LAMA5: variants seen among roughly 807,000 people sequenced by gnomAD.
LAMA5 encodes laminin subunit alpha-5.
In LAMA5, 260 loss-of-function variants were observed where a neutral mutation model predicts 433.4. The observed-to-expected ratio is 0.60, with a 90% CI of 0.54 to 0.66. LAMA5 has a LOEUF of 0.66. Ranked by LOEUF, LAMA5 falls within the 30% of genes least tolerant of loss-of-function variation. The probability of loss-of-function intolerance (pLI) is 0.00; values close to 1 mark genes in which losing one functional copy is unlikely to be tolerated. For missense variants in LAMA5, 5,378 were observed against 5,258.5 expected (o/e 1.02, Z -0.70); for synonymous variants, 2,620 against 2,226.6 (o/e 1.18, Z -4.97).
chr20:62,346,143 T>A lies in LAMA5; in HGVS notation c.1355A>T (p.Asn452Ile). The change falls in exon 10 of 80, where the codon AAC becomes ATC. Residue 452 changes from asparagine to isoleucine, a missense_variant. Transcript: ENST00000252999. ...CACGTCACACCGCTCCCCAGAGAAG[T>A]TGGGCCGGCAGTAGCATCGACCCGT... The part of the protein sequence containing the change: ...DLTGRCYCRP[N>I]FSGERCDVCA... The A allele has an allele frequency of 1.2e-6, 2 of 1,613,054 alleles. No homozygotes were observed. The highest frequency in any genetic ancestry group is 1.7e-6 in the Non-Finnish European group (2 of 1,179,970).
At position 62,311,451 on chromosome 20, in the gene LAMA5, C is replaced by A; in HGVS notation, c.9892G>T (p.Ala3298Ser). The change falls in exon 72 of 80, where the codon GCC becomes TCC. Residue 3298 changes from alanine to serine, a missense_variant. Transcript: ENST00000252999. ...VSTGCAPALQ[A>S]QTPGLGPRGL... ...CTAGGCCCCAGGCCCGGGGTCTGGG[C>A]TTGCAGGGCGGGTGCACAGCCCGTG... 6.2e-7 allele frequency: 1 copy of A among 1,604,330 alleles called. No individual in the cohort carries two copies.
Position 62,328,405 on chromosome 20 carries a change from G to A in LAMA5, c.4488C>T (p.Gly1496=), listed in dbSNP as rs907188118. Reference sequence around the variant, plus strand: ...TGGTGCGTGGCGGGCAGATGCACTGGCCCGTGAGCTCGTCACAGAGGCGGG... The same window carrying A: ...TGGTGCGTGGCGGGCAGATGCACTGACCCGTGAGCTCGTCACAGAGGCGGG... ...CGARLCDELT[G]QCICPPRTIP... Residue 1496 remains glycine (G), a synonymous_variant, in exon 35 of 80, where the codon GGC becomes GGT. Coordinates refer to ENST00000252999, the MANE Select transcript of LAMA5 (RefSeq NM_005560.6). The A allele has an allele frequency of 1.9e-5, 29 of 1,538,148 alleles. No homozygotes were observed. The highest frequency in any genetic ancestry group is 2.5e-5 in the Non-Finnish European group (28 of 1,138,638).
chr20:62,358,425 C>T (rs938982315), intron 2 of LAMA5, among the ~76,000 whole-genome samples: 2 of 152,212 alleles, frequency 1.3e-5, no homozygotes, highest in Non-Finnish European at 1.5e-5. Context: ...GCCGCAGCTG[C>T]ACTTCCTGTC....
chr20:62,330,957 C>T lies in LAMA5; in HGVS notation c.3651-13G>A. 1 of 1,555,498 alleles carries T rather than the reference C, an allele frequency of 6.4e-7. No homozygotes were observed. Among genetic ancestry groups the T allele is most frequent in the Non-Finnish European group, 8.7e-7 (1 of 1,149,864 alleles). On this transcript the variant is annotated splice_polypyrimidine_tract_variant and intron_variant, in intron 29 of 79. Transcript: ENST00000252999. ...CAGACAGGCGGCACTGGTGAGAGCACAGTGGGTGAGTCAGAGCCGGCCCTG... is the reference window on the plus strand; with the variant it reads ...CAGACAGGCGGCACTGGTGAGAGCATAGTGGGTGAGTCAGAGCCGGCCCTG...
chr20:62,321,159 G>A (rs1424317040), intron 48 of LAMA5, among the ~76,000 whole-genome samples: 2 of 137,782 alleles, frequency 1.5e-5, no homozygotes, highest in African/African-American at 5.5e-5. Context: ...GCCAGTGAAG[G>A]GGCGGGGCCG....
chr20:62,318,490 G>A lies in LAMA5; in HGVS notation c.7203C>T (p.Leu2401=), dbSNP rs769276610. 27 of 1,608,036 alleles carry A rather than the reference G, an allele frequency of 1.7e-5. No individual in the cohort carries two copies. The highest frequency in any genetic ancestry group is 2.7e-5 in the African/African-American group (2 of 74,584). Residue 2401 remains leucine (L), a synonymous_variant, in exon 53 of 80, where the codon CTC becomes CTT. Coordinates refer to ENST00000252999, the MANE Select transcript of LAMA5 (RefSeq NM_005560.6). Reference sequence around the variant, plus strand: ...CCAGGCGCTCCTGGTTGCGGCTGTTGAGCTCCTGGGCCTCCCGTGTGGCGT... The same window carrying A: ...CCAGGCGCTCCTGGTTGCGGCTGTTAAGCTCCTGGGCCTCCCGTGTGGCGT... ...AVDATREAQE[L]NSRNQERLEE...
intron 13 of LAMA5, 32 bp from the exon 14 acceptor site, chr20:62,338,182 A>G: frequency 1.3e-6 from 2 of 1,568,834 alleles, no homozygotes; most frequent in Non-Finnish European, 1.7e-6. Context: ...ACGGTAGGCC[A>G]GGCCCACGGG....
rs1474021555 is a variant in LAMA5 at position 62,359,212 on chromosome 20, A to T, written c.450+3188T>A. Among the ~76,000 whole-genome samples, 1 of 152,088 alleles carries T rather than the reference A, an allele frequency of 6.6e-6. No individual in the cohort carries two copies. Among genetic ancestry groups the T allele is most frequent in the Non-Finnish European group, 1.5e-5 (1 of 68,012 alleles). On this transcript the variant is annotated intron_variant, in intron 2 of 79. Transcript: ENST00000252999. This position sits in a 1 kb window ranked among gnomAD's most constrained non-coding sequence, Gnocchi z 4.3. ...TCACTCCTCATCTGAGGGAGGCGGG[A>T]GGCAATGCCCTCCTCTGCTGGGGAG...
chr20:62,345,818 T>C lies in LAMA5; in HGVS notation c.1477A>G (p.Asn493Asp). The part of the protein sequence containing the change: ...EQVLPAGQIV[N>D]CDCSAAGTQG... Reference sequence around the variant, plus strand: ...ACCTGGGGGCCTCAAGGACACTTACTCACAATCTGGCCGGCTGGCAGCACC... The same window carrying C: ...ACCTGGGGGCCTCAAGGACACTTACCCACAATCTGGCCGGCTGGCAGCACC... The change falls in exon 11 of 80, where the codon AAT (asparagine) becomes GAT (aspartate). Residue 493 changes from asparagine (N) to aspartate (D), a missense_variant and splice_region_variant. Physicochemically the swap from Asn to Asp is conservative, Grantham distance 23. Transcript: ENST00000252999. The C allele has an allele frequency of 6.4e-7, 1 of 1,550,680 alleles. No homozygotes were observed. The highest frequency in any genetic ancestry group is 8.7e-7 in the Non-Finnish European group (1 of 1,146,862).
Position 62,338,280 on chromosome 20 carries a change from T to C in LAMA5, c.1708A>G (p.Thr570Ala). ...TAGCCGGGGGCACAGCGATCACATG[T>C]GGCCCCCTCGAAGCCCACTCGGCAC... ...CRCRVGFEGA[T>A]CDRCAPGYFH... The change falls in exon 13 of 80, where the codon ACA becomes GCA. Residue 570 changes from threonine (T) to alanine (A), a missense_variant. By Grantham distance (58) the Thr-to-Ala change is moderately conservative (BLOSUM62 0). Transcript: ENST00000252999. 6.2e-7 allele frequency: 1 copy of C among 1,602,984 alleles called. No individual in the cohort carries two copies. The highest frequency in any genetic ancestry group is 8.5e-7 in the Non-Finnish European group (1 of 1,175,070).
chr20:62,352,632 A>G (rs975189222), intron 3 of LAMA5, among the ~76,000 whole-genome samples: 1 of 150,642 alleles, frequency 6.6e-6, no homozygotes, highest in Admixed American at 6.6e-5. Flanking sequence ...CCTACTGCCC[A>G]TCACTGACCC....
intron 1 of LAMA5, among the ~76,000 whole-genome samples, chr20:62,363,863 C>G (rs562235373): frequency 4.6e-5 from 7 of 152,180 alleles, no homozygotes; most frequent in Non-Finnish European, 5.9e-5. Flanking sequence ...CAGGGCAACA[C>G]CCGGTACCCC....
intron 18 of LAMA5, 123 bp downstream of exon 18, chr20:62,336,217 A>G (rs1429310204): frequency 6.6e-5 from 44 of 663,530 alleles, no homozygotes; most frequent in Non-Finnish European, 1.0e-5. Flanking sequence ...CACTCCCTCC[A>G]GGGCACACTC....
chr20:62,322,581 C>G (rs1014160456), intron 46 of LAMA5, 77 bp downstream of exon 46: 83 of 1,422,266 alleles, frequency 5.8e-5, no homozygotes, highest in Non-Finnish European at 7.9e-5. Context: ...CTCAGCCCCA[C>G]CTATCAGATT....
In LAMA5 at chr20:62,315,009, G is replaced by A. The variant is rs574401024; in HGVS notation, c.8047+19C>T. The A allele has an allele frequency of 2.9e-4, 454 of 1,579,754 alleles. 4 individuals are homozygous for A. The South Asian group carries it at 4.7e-3, about 16-fold the overall frequency. On this transcript the variant is annotated intron_variant, in intron 59 of 79. Coordinates refer to ENST00000252999, the MANE Select transcript of LAMA5 (RefSeq NM_005560.6). ...CGTGCCCGCCTCCATCAGGGGCACCGCGAGGGCCATGGGCGCACCTGAGTG... is the reference window on the plus strand; with the variant it reads ...CGTGCCCGCCTCCATCAGGGGCACCACGAGGGCCATGGGCGCACCTGAGTG...
At chr20:62,347,944 A>G (rs1568968310) in intron 6 of LAMA5, among the ~76,000 whole-genome samples, 2 of 152,206 alleles carry the variant, frequency 1.3e-5, no homozygotes. Flanking sequence ...CATACCCTCA[A>G]TGAGAGGAAT....
At chr20:62,334,408 G>T (rs1055371244) in intron 21 of LAMA5, 66 bp from the exon 22 acceptor site, 2 of 1,524,466 alleles carry the variant, frequency 1.3e-6, no homozygotes, top group South Asian at 1.2e-5. Flanking sequence ...CAGCGGCCCC[G>T]GGTCTCCAGG....
chr20:62,317,261 G>A, intron 55 of LAMA5, 84 bp downstream of exon 55: 3 of 1,392,772 alleles, frequency 2.2e-6, no homozygotes, highest in Non-Finnish European at 2.8e-6. Context: ...GCCCCTAGGA[G>A]CCTTCCCAGA....
rs1270271569 is a variant in LAMA5, at chr20:62,334,754, A to AGGGCTCAGGGCGAGGGCGAGGGCTC, written c.2483-134_2483-133insGAGCCCTCGCCCTCGCCCTGAGCCC. ...AGTCAGGGCTCAGGGCTCAGGGCTC[A>AGGGCTCAGGGCGAGGGCGAGGGCTC]GGGCGAGGGCGAGGGCGAGGGTGAG... On this transcript the variant is annotated intron_variant, in intron 20 of 79. Coordinates refer to ENST00000252999, the MANE Select transcript of LAMA5 (RefSeq NM_005560.6). 1.6e-5 allele frequency: 8 copies of AGGGCTCAGGGCGAGGGCGAGGGCTC among 498,518 alleles called. No homozygotes were observed. In the Admixed American group the frequency reaches 2.8e-4, roughly 17 times the overall value. The allele number at this position is 498,518 out of a possible 1,614,324, so 30.9% of individuals were successfully genotyped here.
Sources: gnomAD v4.1 joint callset for allele counts (sites outside exome capture counted in the v4.1 genomes callset) on GRCh38, gnomAD v4.1.1 for gene constraint, Gnocchi (gnomAD v3.1) non-coding constraint, MANE v1.5 for transcripts, NCBI Gene and HGNC (gene_info 2026-07-23, HGNC 2026-07-21) for gene names.